The following ZMAT4 variants were observed in gnomAD, a reference collection of about 807,000 sequenced individuals.
ZMAT4 encodes the protein zinc finger matrin-type 4.
ZMAT4 carries 17 observed loss-of-function variants against 28.7 expected under a neutral mutation model. The ratio of observed to expected loss-of-function variants is 0.59; its 90% confidence interval spans 0.41 to 0.89. The LOEUF (loss-of-function observed/expected upper bound fraction) is 0.89. Among genes scored for constraint, ZMAT4 ranks in the 40% least tolerant of loss-of-function variants. ZMAT4 has a pLI of 0.00. For missense variants in ZMAT4, 240 were observed against 283.8 expected, an observed-to-expected ratio of 0.85 and a Z score of 1.11; for synonymous variants, 117 against 109.2, an observed-to-expected ratio of 1.07 and a Z score of -0.44.
intron 4 of ZMAT4, among the ~76,000 whole-genome samples, chr8:40,685,685 C>T (rs556115910): frequency 6.2e-4 from 94 of 152,122 alleles, no homozygotes; most frequent in Non-Finnish European, 2.9e-5. Context: ...CAAGTGTGCA[C>T]CACCCACCAA....
At chr8:40,767,600 A>T (rs771149401) in intron 3 of ZMAT4, 41 bp downstream of exon 3, 3 of 1,565,790 alleles carry the variant, frequency 1.9e-6, no homozygotes, top group Non-Finnish European at 2.6e-6. Context: ...CAGTACACAG[A>T]ACAAATCATC....
chr8:40,607,194 G>A (rs1405968196), intron 5 of ZMAT4, among the ~76,000 whole-genome samples: 7 of 135,530 alleles, frequency 5.2e-5, no homozygotes, highest in Non-Finnish European at 7.6e-5. Context: ...GCACGATCTC[G>A]GCTCACTGCA....
intron 3 of ZMAT4, among the ~76,000 whole-genome samples, chr8:40,708,692 C>G (rs1261962666): frequency 2.1e-5 from 3 of 142,514 alleles, no homozygotes; most frequent in Non-Finnish European, 4.5e-5. Flanking sequence ...GTCACCCATG[C>G]TGCAGGGCAG....
chr8:40,854,395 T>C (rs4737180), intron 1 of ZMAT4, among the ~76,000 whole-genome samples: 152,241 of 152,330 alleles, frequency 1, 76,076 homozygotes, highest in Non-Finnish European at 1. Context: ...AAGACCAAAA[T>C]ACTTCCCTTT....
chr8:40,824,907 C>T (rs149414396), intron 2 of ZMAT4, among the ~76,000 whole-genome samples: 1,622 of 152,262 alleles, frequency 0.011, 9 homozygotes, highest in Admixed American at 0.016. Flanking sequence ...TCTTCCTCAT[C>T]CTCGGACACA....
chr8:40,581,032 A>T (rs971859944), intron 6 of ZMAT4, 133 bp downstream of exon 6: 1 of 647,034 alleles, frequency 1.5e-6, no homozygotes, highest in Non-Finnish European at 2.6e-6. Flanking sequence ...CATAAATATC[A>T]TGTGAACTTT....
At chr8:40,758,566 G>A (rs1339211508) in intron 3 of ZMAT4, among the ~76,000 whole-genome samples, 6 of 152,116 alleles carry the variant, frequency 3.9e-5, no homozygotes, top group African/African-American at 7.2e-5. Context: ...AAATGACAAT[G>A]TCTAATTTAA....
intron 5 of ZMAT4, among the ~76,000 whole-genome samples, chr8:40,646,052 G>T (rs1338186052): frequency 1.3e-5 from 2 of 151,710 alleles, no homozygotes; most frequent in Non-Finnish European, 2.9e-5. Flanking sequence ...TAATATATAG[G>T]TCCTAATATA....
chr8:40,833,845 C>T (rs981772527), intron 1 of ZMAT4, among the ~76,000 whole-genome samples: 8 of 152,138 alleles, frequency 5.3e-5, no homozygotes, highest in African/African-American at 1.7e-4. Flanking sequence ...CTGTCTTTCC[C>T]ATTCCTGATG....
chr8:40,615,160 T>G (rs1014878775), intron 5 of ZMAT4, among the ~76,000 whole-genome samples: 1 of 152,072 alleles, frequency 6.6e-6, no homozygotes, highest in East Asian at 1.9e-4. Context: ...GTCTGTAAAG[T>G]ATTTTATTTC....
At chr8:40,663,886 T>G (rs1808298751) in intron 5 of ZMAT4, among the ~76,000 whole-genome samples, 1 of 152,202 alleles carries the variant, frequency 6.6e-6, no homozygotes, top group Admixed American at 6.5e-5. Flanking sequence ...AATATTAGTA[T>G]AAAGAGAACT....
At chr8:40,844,319 A>G (rs1255300270) in intron 1 of ZMAT4, among the ~76,000 whole-genome samples, 1 of 152,154 alleles carries the variant, frequency 6.6e-6, no homozygotes, top group Non-Finnish European at 1.5e-5. Flanking sequence ...CTGAGCAGAG[A>G]TCACCTCCAC....
chr8:40,585,999 A>AT (rs368279315), intron 5 of ZMAT4, among the ~76,000 whole-genome samples: 22 of 152,204 alleles, frequency 1.4e-4, no homozygotes, highest in African/African-American at 5.3e-4. Flanking sequence ...GTTGCTTTCC[A>AT]TAACAGTTCT....
chr8:40,820,541 C>A (rs1332016296), intron 2 of ZMAT4, among the ~76,000 whole-genome samples: 3 of 114,706 alleles, frequency 2.6e-5, no homozygotes, highest in Non-Finnish European at 5.4e-5. Context: ...TTTATGTGTG[C>A]ATTTGTGTGT....
Position 40,636,471 on chromosome 8 carries a change from T to A in ZMAT4, c.577+38233A>T, listed in dbSNP as rs139654831. Among the ~76,000 whole-genome samples, 839 of 152,192 alleles carry A rather than the reference T, an allele frequency of 5.5e-3. 13 individuals are homozygous for A. Among genetic ancestry groups the A allele is most frequent in the African/African-American group, 0.019 (791 of 41,520 alleles). ...AATCAACATAGCCTTTACAGTGGAG[T>A]TTTTTTGGTGTTCAGAAGGTCAGCT... On this transcript the variant is annotated intron_variant, in intron 5 of 6. Coordinates refer to ENST00000297737, the MANE Select transcript of ZMAT4 (RefSeq NM_024645.3).
chr8:40,573,657 C>A (rs1447312175), intron 6 of ZMAT4, among the ~76,000 whole-genome samples: 1 of 152,138 alleles, frequency 6.6e-6, no homozygotes, highest in Non-Finnish European at 1.5e-5. Context: ...ACTATACATA[C>A]AAAGTGCTAG....
chr8:40,612,140 G>C (rs1413792451), intron 5 of ZMAT4, among the ~76,000 whole-genome samples: 1 of 152,100 alleles, frequency 6.6e-6, no homozygotes. Context: ...AGTTATACAG[G>C]ATCAACAAAG....
chr8:40,565,989 G>A (rs1803912685), intron 6 of ZMAT4, among the ~76,000 whole-genome samples: 2 of 152,000 alleles, frequency 1.3e-5, no homozygotes. Context: ...TAGCGCTTTA[G>A]GGTTTAGGCG....
intron 6 of ZMAT4, among the ~76,000 whole-genome samples, chr8:40,548,223 C>G (rs971365991): frequency 6.6e-6 from 1 of 151,848 alleles, no homozygotes; most frequent in Non-Finnish European, 1.5e-5. Flanking sequence ...GATGGAAAAC[C>G]ATTTGTTTAT....
Sources: gnomAD v4.1 joint callset for allele counts (sites outside exome capture counted in the v4.1 genomes callset) on GRCh38, gnomAD v4.1.1 for gene constraint, MANE v1.5 for transcripts, NCBI Gene and HGNC (gene_info 2026-07-23, HGNC 2026-07-21) for gene names.